Variants in MECR observed in about 807,000 individuals in gnomAD.
MECR encodes the protein mitochondrial trans-2-enoyl-CoA reductase.
In MECR, 37 loss-of-function variants were observed where a neutral mutation model predicts 49.1. That is an observed-to-expected ratio of 0.75 (90% CI 0.58 to 0.99). The LOEUF is 0.99. Ranked by LOEUF, MECR falls within the 50% of genes least tolerant of loss-of-function variation. The pLI is 0.00. For synonymous variants in MECR, 198 were observed against 191.1 expected (o/e 1.04, Z -0.30); for missense variants, 470 against 479.6 (o/e 0.98, Z 0.19).
At chr1:29,182,639 G>A in the MECR span, among the ~76,000 whole-genome samples, 1 of 152,112 alleles carries the variant, frequency 6.6e-6, no homozygotes, top group Admixed American at 6.6e-5. Context: ...CGCCTCCCGG[G>A]TTCAAGCGAT....
At chr1:29,228,938 A>G (rs1170839431) in intron 1 of MECR, 2 of 152,220 alleles carry the variant, frequency 1.3e-5, no homozygotes, top group African/African-American at 4.8e-5. Flanking sequence ...GAGAGACACT[A>G]CATGGTTCTC....
rs983957807 is a variant in MECR, at chr1:29,204,854, G to C, written c.551-1621C>G. On this transcript the variant is annotated intron_variant, in intron 4 of 9. Coordinates refer to ENST00000263702, the MANE Select transcript of MECR (RefSeq NM_016011.5). ...CAGCCACTGGCTTTCTCCACCAAAG[G>C]CTCCCAGGAACCATCTGCCATAGTT... is the stretch of plus-strand genomic sequence containing the variant. 3.3e-5 allele frequency among the ~76,000 whole-genome samples: 5 copies of C among 152,362 alleles called. No homozygotes were observed. In the East Asian group the frequency reaches 7.7e-4, roughly 24 times the overall value.
chr1:29,195,637 C>T (rs1673784699), intron 9 of MECR, among the ~76,000 whole-genome samples: 2 of 152,228 alleles, frequency 1.3e-5, no homozygotes, highest in African/African-American at 4.8e-5. Flanking sequence ...AGTGTGGAAG[C>T]AGAATTTGAA....
intron 1 of MECR, among the ~76,000 whole-genome samples, chr1:29,225,440 C>A (rs971302008): frequency 5.3e-5 from 8 of 152,080 alleles, no homozygotes; most frequent in Non-Finnish European, 1.0e-4. Context: ...GGTTAGGTAA[C>A]CCCCTTCTGG....
chr1:29,182,056 C>T, the MECR span: 2 of 270,986 alleles, frequency 7.4e-6, no homozygotes, highest in Non-Finnish European at 1.4e-5. Context: ...CGACAGGCGG[C>T]GCTGCGGCAC....
chr1:29,219,098 C>T (rs763696516), intron 1 of MECR, among the ~76,000 whole-genome samples: 9 of 152,102 alleles, frequency 5.9e-5, no homozygotes, highest in Non-Finnish European at 1.0e-4. Context: ...GACCGGCTGC[C>T]GTTGCCTTAT....
the MECR span, chr1:29,168,500 G>A: frequency 6.6e-6 from 1 of 152,154 alleles, no homozygotes; most frequent in Admixed American, 6.5e-5. Context: ...AAAAGAAATT[G>A]ACCTTGGGGC....
chr1:29,208,020 C>T (rs1677041273), intron 3 of MECR, among the ~76,000 whole-genome samples: 1 of 151,670 alleles, frequency 6.6e-6, no homozygotes, highest in Non-Finnish European at 1.5e-5. Flanking sequence ...AAGATGAAGT[C>T]TTGCTCTTGT....
chr1:29,228,353 CTTTTT>C (rs5773235), intron 1 of MECR, among the ~76,000 whole-genome samples: 19 of 134,578 alleles, frequency 1.4e-4, no homozygotes, highest in Admixed American at 2.9e-4. Flanking sequence ...GTGGAAGTAT[CTTTTT>C]TTTTTTTTTT....
At chr1:29,221,803 T>C (rs1380632377) in intron 1 of MECR, among the ~76,000 whole-genome samples, 2 of 152,170 alleles carry the variant, frequency 1.3e-5, no homozygotes, top group Non-Finnish European at 2.9e-5. Context: ...GAAAAACTTA[T>C]TCTGGGTGAT....
downstream of MECR, among the ~76,000 whole-genome samples, chr1:29,190,482 C>A (rs1673100532): frequency 1.3e-5 from 2 of 151,698 alleles, no homozygotes; most frequent in South Asian, 2.1e-4. Flanking sequence ...GTACAGGATG[C>A]AGGCCTGCTA....
intron 3 of MECR, among the ~76,000 whole-genome samples, chr1:29,207,742 A>G (rs907680738): frequency 2.6e-5 from 4 of 152,278 alleles, no homozygotes; most frequent in Admixed American, 6.5e-5. Flanking sequence ...CCTGTCTCAA[A>G]AAAACCCAAA....
At chr1:29,179,200 G>C in the MECR span, among the ~76,000 whole-genome samples, 5 of 151,962 alleles carry the variant, frequency 3.3e-5, no homozygotes, top group African/African-American at 1.2e-4. Context: ...CGTTGTTTCT[G>C]GTTTATGTTG....
chr1:29,187,029 C>T, the MECR span, among the ~76,000 whole-genome samples: 4 of 152,184 alleles, frequency 2.6e-5, no homozygotes, highest in Non-Finnish European at 5.9e-5. Context: ...AATGTTCCTG[C>T]CTTCAGATGC....
At chr1:29,196,406 G>A in intron 7 of MECR, 148 bp from the exon 8 acceptor site, 2 of 757,600 alleles carry the variant, frequency 2.6e-6, no homozygotes, top group Non-Finnish European at 4.3e-6. Flanking sequence ...ACAGATTCCA[G>A]CTGGGAGCAG....
chr1:29,194,157 G>A lies in MECR; in HGVS notation c.987C>T (p.Leu329=). The A allele has an allele frequency of 1.2e-6, 2 of 1,612,216 alleles. No individual in the cohort carries two copies. Among genetic ancestry groups the A allele is most frequent in the Non-Finnish European group, 1.7e-6 (2 of 1,179,140 alleles). The part of the protein sequence containing the change: ...HSPDQFKELI[L]TLCDLIRRGQ... ...CTCGGCGGATGAGATCGCACAGTGT[G>A]AGGATCAGCTCCTTGAACTGGTCTG... The change falls in exon 10 of 10, where the codon CTC becomes CTT. Residue 329 remains leucine, a synonymous_variant. Coordinates refer to ENST00000263702, the MANE Select transcript of MECR (RefSeq NM_016011.5).
chr1:29,175,694 C>CCAAAAAAAA, the MECR span, among the ~76,000 whole-genome samples: 4 of 38,604 alleles, frequency 1.0e-4, no homozygotes, highest in East Asian at 1.3e-3. Context: ...GACGCTGTCT[C>CCAAAAAAAA]AAAAAAAAAA....
At chr1:29,198,613 T>G (rs540130580) in intron 7 of MECR, among the ~76,000 whole-genome samples, 1 of 152,202 alleles carries the variant, frequency 6.6e-6, no homozygotes, top group Admixed American at 6.5e-5. Flanking sequence ...TGGGCCTTGT[T>G]TTTTTTTGTT....
At position 29,229,401 on chromosome 1, in the gene MECR, C is replaced by T. The variant is rs754180660; in HGVS notation, c.176+1330G>A. Among the ~76,000 whole-genome samples, 9 of 152,200 alleles carry T rather than the reference C, an allele frequency of 5.9e-5. 1 individual carries two copies. Among genetic ancestry groups the T allele is most frequent in the African/African-American group, 1.4e-4 (6 of 41,530 alleles). On this transcript the variant is annotated intron_variant, in intron 1 of 9. Coordinates refer to ENST00000263702, the MANE Select transcript of MECR (RefSeq NM_016011.5). ...TGTATTTTTAGTAGAGATGGGGTTTCGCCACGTTGGCCAGGCTGGTCTAGA... is the reference window on the plus strand; with the variant it reads ...TGTATTTTTAGTAGAGATGGGGTTTTGCCACGTTGGCCAGGCTGGTCTAGA...
Sources: gnomAD v4.1 joint callset for allele counts (sites outside exome capture counted in the v4.1 genomes callset) on GRCh38, gnomAD v4.1.1 for gene constraint, MANE v1.5 for transcripts, NCBI Gene and HGNC (gene_info 2026-07-23, HGNC 2026-07-21) for gene names.